The following GNAQ variants were observed in gnomAD, a reference collection of about 807,000 sequenced individuals.
GNAQ encodes G protein subunit alpha q.
In GNAQ, 8 loss-of-function variants were observed where a neutral mutation model predicts 43.9. The observed-to-expected ratio is 0.18, with a 90% confidence interval of 0.11 to 0.33. The LOEUF is 0.33. Ranked by LOEUF, GNAQ falls within the 10% of genes least tolerant of loss-of-function variation. GNAQ has a pLI of 1.00. For missense variants in GNAQ, 158 were observed against 450.8 expected (o/e 0.35, Z 5.88); for synonymous variants, 155 against 170.7 (o/e 0.91, Z 0.71).
intron 5 of GNAQ, among the ~76,000 whole-genome samples, chr9:77,731,877 C>T (rs1475461424): frequency 6.6e-6 from 1 of 152,290 alleles, no homozygotes; most frequent in Non-Finnish European, 1.5e-5. Flanking sequence ...TGATTCTGTG[C>T]AGACTTCTTT....
intron 2 of GNAQ, among the ~76,000 whole-genome samples, chr9:77,853,629 C>T (rs934750739): frequency 6.6e-6 from 1 of 152,042 alleles, no homozygotes; most frequent in African/African-American, 2.4e-5. Context: ...GAAATCTTAA[C>T]TGGCAGTGTG....
chr9:77,855,478 T>G (rs1271904106), intron 2 of GNAQ, among the ~76,000 whole-genome samples: 1 of 152,184 alleles, frequency 6.6e-6, no homozygotes, highest in African/African-American at 2.4e-5. Context: ...TGATTTTGCA[T>G]GGTATATCTA....
intron 5 of GNAQ, among the ~76,000 whole-genome samples, chr9:77,732,855 G>GTGCCTAA (rs1181639047): frequency 4.6e-5 from 7 of 152,302 alleles, no homozygotes; most frequent in African/African-American, 1.7e-4. Flanking sequence ...CTGGATCAGG[G>GTGCCTAA]AGAGCAGGGA....
At chr9:77,951,897 A>T (rs1011908662) in intron 1 of GNAQ, among the ~76,000 whole-genome samples, 19 of 152,356 alleles carry the variant, frequency 1.2e-4, no homozygotes, top group Admixed American at 7.8e-4. Flanking sequence ...ATGTGACGCA[A>T]AGCAGGTCCA....
intron 1 of GNAQ, among the ~76,000 whole-genome samples, chr9:77,933,787 T>C (rs939703601): frequency 1.3e-5 from 2 of 152,178 alleles, no homozygotes; most frequent in Non-Finnish European, 2.9e-5. Context: ...CCTTCAAACT[T>C]AATACACCAC....
chr9:78,013,574 G>A (rs1456703038), intron 1 of GNAQ, among the ~76,000 whole-genome samples: 1 of 151,584 alleles, frequency 6.6e-6, no homozygotes, highest in Non-Finnish European at 1.5e-5. Flanking sequence ...TTGCCTCTGA[G>A]AAGACTATTA....
At chr9:77,958,840 G>T (rs1823073202) in intron 1 of GNAQ, among the ~76,000 whole-genome samples, 1 of 152,130 alleles carries the variant, frequency 6.6e-6, no homozygotes, top group South Asian at 2.1e-4. Context: ...TACATTTGCA[G>T]ACTGATTTCA....
chr9:77,933,368 T>C (rs1358916959), intron 1 of GNAQ, among the ~76,000 whole-genome samples: 1 of 152,182 alleles, frequency 6.6e-6, no homozygotes, highest in Non-Finnish European at 1.5e-5. Flanking sequence ...CACACATTTA[T>C]AAAGTGGCAT....
chr9:77,797,362 T>G (rs1826674519), intron 4 of GNAQ, among the ~76,000 whole-genome samples, 158 bp downstream of exon 4: 1 of 152,128 alleles, frequency 6.6e-6, no homozygotes, highest in African/African-American at 2.4e-5. Flanking sequence ...ATTTCCTCCC[T>G]CAGGGATATG....
chr9:77,847,870 T>G (rs757597784), intron 2 of GNAQ, among the ~76,000 whole-genome samples: 3 of 152,220 alleles, frequency 2.0e-5, no homozygotes, highest in Non-Finnish European at 4.4e-5. Flanking sequence ...TTGTGTAATC[T>G]GCCTGCCCAT....
chr9:77,769,283 T>G (rs1215233702), intron 5 of GNAQ, among the ~76,000 whole-genome samples: 2 of 151,714 alleles, frequency 1.3e-5, no homozygotes, highest in African/African-American at 4.8e-5. Flanking sequence ...GCGCCTGTAA[T>G]CCCAACTACT....
intron 2 of GNAQ, among the ~76,000 whole-genome samples, chr9:77,881,765 T>C (rs764415653): frequency 6.6e-6 from 1 of 152,194 alleles, no homozygotes; most frequent in Admixed American, 6.5e-5. Context: ...TGAGTTTTTA[T>C]GGGTATTAAC....
chr9:77,910,565 T>C (rs1308126332), intron 2 of GNAQ, among the ~76,000 whole-genome samples: 1 of 152,192 alleles, frequency 6.6e-6, no homozygotes, highest in Non-Finnish European at 1.5e-5. Context: ...GAGAGCAGTT[T>C]AGAGACAGGC....
chr9:77,738,474 T>C (rs1160681106), intron 5 of GNAQ, among the ~76,000 whole-genome samples: 1 of 152,136 alleles, frequency 6.6e-6, no homozygotes, highest in Admixed American at 6.5e-5. Flanking sequence ...ACTTTAAAAA[T>C]AACAGTAGGA....
intron 1 of GNAQ, among the ~76,000 whole-genome samples, chr9:77,931,120 G>T (rs1354979312): frequency 6.7e-6 from 1 of 150,278 alleles, no homozygotes; most frequent in African/African-American, 2.4e-5. Flanking sequence ...GCCAAAATGG[G>T]AACAAAATGG....
At chr9:77,920,134 T>C (rs1828974972) in intron 2 of GNAQ, among the ~76,000 whole-genome samples, 1 of 150,432 alleles carries the variant, frequency 6.6e-6, no homozygotes, top group Non-Finnish European at 1.5e-5. Context: ...CAAGACTCTG[T>C]CTCAAAAAAA....
chr9:77,808,905 A>G (rs1826871381), intron 3 of GNAQ, among the ~76,000 whole-genome samples: 1 of 152,112 alleles, frequency 6.6e-6, no homozygotes, highest in Non-Finnish European at 1.5e-5. Context: ...AAAAAAAACT[A>G]TCAGAGGAAA....
At chr9:77,895,016 C>G (rs1256555294) in intron 2 of GNAQ, among the ~76,000 whole-genome samples, 1 of 150,556 alleles carries the variant, frequency 6.6e-6, no homozygotes, top group Non-Finnish European at 1.5e-5. Context: ...GGTGAAACCC[C>G]TGTCTCTACT....
intron 5 of GNAQ, among the ~76,000 whole-genome samples, chr9:77,790,825 T>C (rs1826557188): frequency 6.6e-6 from 1 of 152,204 alleles, no homozygotes; most frequent in African/African-American, 2.4e-5. Flanking sequence ...TCCTGTAACC[T>C]CATCGTTATG....
Sources: allele counts gnomAD v4.1 joint callset (sites outside exome capture counted in the v4.1 genomes callset), GRCh38; gene constraint gnomAD v4.1.1; transcripts MANE v1.5; gene names NCBI Gene and HGNC (gene_info 2026-07-23, HGNC 2026-07-21).